The following ZFHX3 variants were observed in gnomAD, a reference collection of about 807,000 sequenced individuals.
ZFHX3 encodes zinc finger homeobox 3, also known as zinc finger homeobox protein 3.
In ZFHX3, 42 loss-of-function variants were observed where a neutral mutation model predicts 279.1. The ratio of observed to expected loss-of-function variants is 0.15; its 90% CI spans 0.12 to 0.19. The LOEUF (loss-of-function observed/expected upper bound fraction) is 0.19, where lower values mean the gene tolerates loss of function less well. Among genes scored for constraint, ZFHX3 ranks in the 10% least tolerant of loss-of-function variants. The probability of loss-of-function intolerance (pLI) is 1.00; values close to 1 mark genes in which losing one functional copy is unlikely to be tolerated. For synonymous variants in ZFHX3, 2,293 were observed against 1,957.8 expected, an observed-to-expected ratio of 1.17 and a Z score of -4.52; for missense variants, 4,981 against 4,754.0, an observed-to-expected ratio of 1.05 and a Z score of -1.40.
At chr16:73,092,607 AATAG>A (rs1966097808) in intron 8 of ZFHX3, 1 of 244,218 alleles carries the variant, frequency 4.1e-6, no homozygotes, top group African/African-American at 2.3e-5. Context: ...CGTTCCATCA[AATAG>A]ACGCCTTCAT....
intron 5 of ZFHX3, among the ~76,000 whole-genome samples, chr16:72,819,013 T>A (rs2036700012): frequency 6.6e-6 from 1 of 152,232 alleles, no homozygotes; most frequent in Admixed American, 6.5e-5. Context: ...AGGTCAGCAC[T>A]TTAAAAATCC....
Position 73,863,534 on chromosome 16 carries a change from A to G in ZFHX3, c.-1608+28117T>C, listed in dbSNP as rs76620619. 9.8e-5 allele frequency among the ~76,000 whole-genome samples: 15 copies of G among 152,334 alleles called. No homozygotes were observed. In the East Asian group the frequency reaches 1.9e-3, roughly 20 times the overall value. On this transcript the variant is annotated intron_variant, in intron 1 of 17. Transcript: ENST00000641206. ...AGAAGGGCAGTCTTCAGTCTCAGAA[A>G]AAAATCCGAAAGGCAATAAAAGACA... is the stretch of plus-strand genomic sequence containing the variant.
At chr16:72,844,125 G>A (rs1039446651) in intron 4 of ZFHX3, among the ~76,000 whole-genome samples, 8 of 152,126 alleles carry the variant, frequency 5.3e-5, no homozygotes, top group Admixed American at 1.3e-4. Context: ...GCTCATCATC[G>A]ATATTCTGGA....
In ZFHX3 at chr16:72,959,009, G is replaced by A. The variant is rs545966998; in HGVS notation, c.1137C>T (p.Leu379=). ...CGGGGCCAGCGGCGGAGCCCGCTGG[G>A]AGAGCTTCCTCCCCTTCCATTCGAA... ...SGIRMEGEEA[L]PAGSAAGPEQ... is the part of the protein sequence containing the mutation. Residue 379 remains leucine (L), a synonymous_variant, in exon 2 of 10, where the codon CTC becomes CTT. Transcript: ENST00000268489. The A allele has an allele frequency of 1.1e-5, 17 of 1,611,262 alleles. No individual in the cohort carries two copies. The African/African-American group carries it at 1.2e-4, about 11-fold the overall frequency.
chr16:73,124,443 C>G (rs1966537050), intron 7 of ZFHX3, among the ~76,000 whole-genome samples: 2 of 152,206 alleles, frequency 1.3e-5, no homozygotes, highest in South Asian at 4.1e-4. Context: ...GTCCCCACCT[C>G]CTGATATCAT....
rs1249993530 is a variant in ZFHX3 at position 73,266,170 on chromosome 16, CA to C, written c.-1193-9035del. 2.6e-5 allele frequency among the ~76,000 whole-genome samples: 4 copies of C among 152,192 alleles called. No homozygotes were observed. In the East Asian group the frequency reaches 7.7e-4, roughly 29 times the overall value. On this transcript the variant is annotated intron_variant, in intron 4 of 17. Coordinates refer to the ZFHX3 transcript ENST00000641206. ...AAATGTAACCTTTAGGTCCTATAGG[CA>C]AAGACAATGCTCACCGCCTGTATCC...
At chr16:73,209,604 T>C (rs1384158164) in intron 5 of ZFHX3, among the ~76,000 whole-genome samples, 1 of 152,170 alleles carries the variant, frequency 6.6e-6, no homozygotes, top group Non-Finnish European at 1.5e-5. Context: ...CATTGTTGTG[T>C]TGGGAGTTAA....
chr16:73,302,778 G>T (rs1358809405), intron 4 of ZFHX3, among the ~76,000 whole-genome samples: 4 of 152,226 alleles, frequency 2.6e-5, no homozygotes, highest in African/African-American at 9.7e-5. Flanking sequence ...GGCATTCAGA[G>T]GCTCTGAGCA....
intron 2 of ZFHX3, among the ~76,000 whole-genome samples, chr16:73,679,189 C>G (rs1227205956): frequency 6.6e-6 from 1 of 151,794 alleles, no homozygotes; most frequent in Non-Finnish European, 1.5e-5. Context: ...GCATTTGATA[C>G]CAAGCATCTA....
At chr16:73,590,082 A>G (rs947996714) in intron 2 of ZFHX3, among the ~76,000 whole-genome samples, 1 of 152,188 alleles carries the variant, frequency 6.6e-6, no homozygotes, top group African/African-American at 2.4e-5. Context: ...AAAAGAAGCA[A>G]TCCTATTGGC....
At position 72,959,545 on chromosome 16, in the gene ZFHX3, C is replaced by G. The variant is rs370976962; in HGVS notation, c.601G>C (p.Ala201Pro). The stretch of plus-strand genomic sequence containing the variant: ...TCAAACCATTTCCCGAAGGATGAGG[C>G]TATGTGGAAAGTGTTGATGATCTGC... Reference protein sequence around the residue: ...YPQIINTFHIASSFGKWFEGP... With the variant: ...YPQIINTFHIPSSFGKWFEGP... The change falls in exon 2 of 10, where the codon GCC (alanine) becomes CCC (proline). Residue 201 changes from alanine (A) to proline (P), a missense_variant. By Grantham distance (27) the Ala-to-Pro change is conservative. Transcript: ENST00000268489. 2 of 1,614,104 alleles carry G rather than the reference C, an allele frequency of 1.2e-6. No homozygotes were observed. Among genetic ancestry groups the G allele is most frequent in the African/African-American group, 2.7e-5 (2 of 74,936 alleles).
At chr16:73,665,808 CTTTTTTTTTT>C (rs527815602) in intron 2 of ZFHX3, among the ~76,000 whole-genome samples, 1 of 90,514 alleles carries the variant, frequency 1.1e-5, no homozygotes. Context: ...TCTTCAATAA[CTTTTTTTTTT>C]TTTTTTTTTT....
chr16:73,853,289 T>C (rs1961634961), intron 1 of ZFHX3, among the ~76,000 whole-genome samples: 1 of 152,188 alleles, frequency 6.6e-6, no homozygotes. Context: ...GAACTAAAAA[T>C]AGAGCTACCA....
chr16:73,890,943 G>A (rs2030515094), intron 1 of ZFHX3, among the ~76,000 whole-genome samples: 1 of 151,752 alleles, frequency 6.6e-6, no homozygotes. Context: ...ACTGTGTGGT[G>A]CAGATCAGAA....
chr16:73,479,933 C>T (rs2018835050), intron 2 of ZFHX3, among the ~76,000 whole-genome samples: 1 of 152,138 alleles, frequency 6.6e-6, no homozygotes, highest in Non-Finnish European at 1.5e-5. Context: ...CAAATGGAGG[C>T]ATGGGGAGGT....
At chr16:73,468,364 G>A (rs1488912745) in intron 2 of ZFHX3, among the ~76,000 whole-genome samples, 4 of 152,176 alleles carry the variant, frequency 2.6e-5, no homozygotes. Flanking sequence ...TGACATACGG[G>A]CTTAGTCACA....
intron 4 of ZFHX3, among the ~76,000 whole-genome samples, chr16:73,278,370 G>A (rs908043609): frequency 6.6e-6 from 1 of 152,220 alleles, no homozygotes; most frequent in African/African-American, 2.4e-5. Flanking sequence ...GAAGAAAGTT[G>A]TGGTTGCTTG....
intron 3 of ZFHX3, among the ~76,000 whole-genome samples, chr16:73,377,163 G>A (rs1458640617): frequency 2.0e-5 from 3 of 151,966 alleles, no homozygotes; most frequent in Admixed American, 6.6e-5. Context: ...GTAGAGACAC[G>A]GTTTCACCAT....
chr16:73,258,638 G>A (rs1355701603), intron 4 of ZFHX3, among the ~76,000 whole-genome samples: 1 of 152,090 alleles, frequency 6.6e-6, no homozygotes, highest in East Asian at 1.9e-4. Context: ...GTGAGCCACC[G>A]CACCCGGCCA....
Sources: allele counts gnomAD v4.1 joint callset (sites outside exome capture counted in the v4.1 genomes callset), GRCh38; gene constraint gnomAD v4.1.1; transcripts MANE v1.5; gene names NCBI Gene and HGNC (gene_info 2026-07-23, HGNC 2026-07-21).